SLC25A21: variants seen among roughly 807,000 people sequenced by gnomAD.
SLC25A21 encodes mitochondrial 2-oxodicarboxylate carrier.
A neutral mutation model predicts 43.8 loss-of-function variants in SLC25A21; 47 were observed. That is an observed-to-expected ratio of 1.07 (90% CI 0.85 to 1.37). The LOEUF is 1.37. SLC25A21 is among the 40% of genes most tolerant of loss of function. SLC25A21 has a pLI of 0.00. For synonymous variants in SLC25A21, 131 were observed against 121.3 expected, an observed-to-expected ratio of 1.08 and a Z score of -0.52; for missense variants, 352 against 350.2, an observed-to-expected ratio of 1.00 and a Z score of -0.04.
At chr14:37,147,923 C>T (rs1203820139) in intron 1 of SLC25A21, among the ~76,000 whole-genome samples, 1 of 143,456 alleles carries the variant, frequency 7.0e-6, no homozygotes, top group Non-Finnish European at 1.5e-5. Flanking sequence ...TTCACTGCAA[C>T]CTCCGCCTCC....
chr14:37,049,516 G>A (rs571232903), intron 1 of SLC25A21, among the ~76,000 whole-genome samples: 16 of 152,284 alleles, frequency 1.1e-4, no homozygotes, highest in South Asian at 2.1e-4. Flanking sequence ...AGGCTGCAGT[G>A]AGCTGTGATC....
chr14:37,128,577 T>TGTGTGTGTGTGTGTGTGC (rs1024661078), intron 1 of SLC25A21, among the ~76,000 whole-genome samples: 1 of 149,166 alleles, frequency 6.7e-6, no homozygotes, highest in African/African-American at 2.5e-5. Flanking sequence ...TGTGTGTGTG[T>TGTGTGTGTGTGTGTGTGC]GCATTTTGCT....
chr14:36,996,530 A>G (rs1318834840), intron 1 of SLC25A21, among the ~76,000 whole-genome samples: 1 of 152,202 alleles, frequency 6.6e-6, no homozygotes, highest in Non-Finnish European at 1.5e-5. Context: ...GTGAGCAGAA[A>G]AGTAAGCTGT....
At chr14:36,810,335 A>C (rs1203547103) in intron 3 of SLC25A21, among the ~76,000 whole-genome samples, 2 of 152,302 alleles carry the variant, frequency 1.3e-5, no homozygotes, top group East Asian at 3.9e-4. Context: ...CATGAATTGA[A>C]GATCTTGGCT....
At chr14:36,988,235 A>C (rs1960188537) in intron 1 of SLC25A21, among the ~76,000 whole-genome samples, 1 of 152,172 alleles carries the variant, frequency 6.6e-6, no homozygotes, top group South Asian at 2.1e-4. Flanking sequence ...ATTAATGCCT[A>C]TCTTGCTGCA....
At chr14:36,861,941 T>C (rs1043259721) in intron 2 of SLC25A21, among the ~76,000 whole-genome samples, 14 of 152,060 alleles carry the variant, frequency 9.2e-5, no homozygotes, top group African/African-American at 3.4e-4. Context: ...CATAAAAAAG[T>C]GCACGAAGGA....
In SLC25A21 at chr14:36,679,551, A is replaced by G; in HGVS notation, c.*1107T>C. 1 of 985,358 alleles carries G rather than the reference A, an allele frequency of 1.0e-6. No individual in the cohort carries two copies. Among genetic ancestry groups the G allele is most frequent in the Non-Finnish European group, 1.2e-6 (1 of 829,882 alleles). The allele number at this position is 985,358 out of a possible 1,614,324, so 61.0% of individuals were successfully genotyped here. A position where few individuals can be genotyped will look rare whatever the true frequency, so the allele number is the denominator to read the frequency against. ...GTTTGGTTACATCAAGACCAAGGAG[A>G]TATTTTTGTTGATACATGTTAGTAT... On this transcript the variant is annotated 3_prime_UTR_variant, in exon 10 of 10. Transcript: ENST00000331299.
chr14:37,041,839 T>C lies in SLC25A21; in HGVS notation c.70+130442A>G, dbSNP rs147011979. On this transcript the variant is annotated intron_variant, in intron 1 of 9. Coordinates refer to ENST00000331299, the MANE Select transcript of SLC25A21 (RefSeq NM_030631.4). The stretch of plus-strand genomic sequence containing the variant: ...TGATTAGGAACTCCAGTTCTCTCAA[T>C]AGCACTTCCACAAAGACTAGGAAAG... 3.6e-4 allele frequency among the ~76,000 whole-genome samples: 55 copies of C among 152,332 alleles called. No homozygotes were observed. The East Asian group carries it at 7.1e-3, about 20-fold the overall frequency.
chr14:37,102,682 C>T (rs1157474720), intron 1 of SLC25A21, among the ~76,000 whole-genome samples: 1 of 151,974 alleles, frequency 6.6e-6, no homozygotes, highest in East Asian at 1.9e-4. Context: ...AGTGTGCTCT[C>T]AGAAAGTAGT....
intron 1 of SLC25A21, among the ~76,000 whole-genome samples, chr14:36,993,140 G>C (rs1011860611): frequency 3.9e-5 from 6 of 152,104 alleles, no homozygotes; most frequent in African/African-American, 1.4e-4. Context: ...CAGTTCACCA[G>C]AATATATCTA....
At chr14:36,981,990 C>G (rs570387220) in intron 1 of SLC25A21, among the ~76,000 whole-genome samples, 1 of 152,150 alleles carries the variant, frequency 6.6e-6, no homozygotes, top group Admixed American at 6.6e-5. Context: ...GCACACAACA[C>G]GCTTAAGTTT....
rs989233160 is a variant in SLC25A21 at position 36,678,125 on chromosome 14, T to C, written c.*2533A>G. On this transcript the variant is annotated 3_prime_UTR_variant, in exon 10 of 10. Coordinates refer to ENST00000331299, the MANE Select transcript of SLC25A21 (RefSeq NM_030631.4). Reference sequence around the variant, plus strand: ...TGAAGATGGATTCCCTAGGTGATTTTAATTTCTTCCGGTCTGTGCTGTGCA... The same window carrying C: ...TGAAGATGGATTCCCTAGGTGATTTCAATTTCTTCCGGTCTGTGCTGTGCA... 4.9e-5 allele frequency: 11 copies of C among 224,384 alleles called. No individual in the cohort carries two copies. Among genetic ancestry groups the C allele is most frequent in the Non-Finnish European group, 8.7e-5 (10 of 114,520 alleles). The allele number at this position is 224,384 out of a possible 1,614,324, so 13.9% of individuals were successfully genotyped here. A position where few individuals can be genotyped will look rare whatever the true frequency, so the allele number is the denominator to read the frequency against.
At chr14:36,757,052 A>G (rs1618934) in intron 3 of SLC25A21, among the ~76,000 whole-genome samples, 139,562 of 149,210 alleles carry the variant, frequency 0.94, 65,360 homozygotes, top group East Asian at 1. Context: ...CCAAGGGTTC[A>G]AGACCAGCCT....
At chr14:36,892,333 G>T (rs554689634) in intron 1 of SLC25A21, among the ~76,000 whole-genome samples, 70 of 152,114 alleles carry the variant, frequency 4.6e-4, no homozygotes, top group Non-Finnish European at 8.4e-4. Context: ...TTCTGAGAGA[G>T]ATATATTTAA....
chr14:36,869,415 T>TGGAAA (rs202129633), intron 2 of SLC25A21, among the ~76,000 whole-genome samples: 66,387 of 151,372 alleles, frequency 0.44, 15,841 homozygotes, highest in Non-Finnish European at 0.52. Flanking sequence ...TTGCAAGATT[T>TGGAAA]CGGATGGAGG....
At chr14:37,163,012 A>T (rs1468175724) in intron 1 of SLC25A21, among the ~76,000 whole-genome samples, 2 of 152,136 alleles carry the variant, frequency 1.3e-5, no homozygotes, top group African/African-American at 4.8e-5. Context: ...GAAATTGGAA[A>T]TCATCATTCT....
chr14:37,001,393 T>A (rs1960486245), intron 1 of SLC25A21, among the ~76,000 whole-genome samples: 1 of 152,130 alleles, frequency 6.6e-6, no homozygotes, highest in African/African-American at 2.4e-5. Flanking sequence ...AGAAGTTAAA[T>A]AGTTTGCTCA....
At chr14:36,773,387 C>T (rs1007242025) in intron 3 of SLC25A21, among the ~76,000 whole-genome samples, 2 of 152,086 alleles carry the variant, frequency 1.3e-5, no homozygotes, top group Non-Finnish European at 2.9e-5. Flanking sequence ...ACTGATAAGC[C>T]ACAACTAGAA....
rs139805987 is a variant in SLC25A21, at chr14:36,958,668, T to G, written c.71-83664A>C. On this transcript the variant is annotated intron_variant, in intron 1 of 9. Transcript: ENST00000331299. ...ATACATGTGTGTAGAGATGTACACA[T>G]AAGCACACGTGCACACACACACACA... 1.0e-4 allele frequency among the ~76,000 whole-genome samples: 14 copies of G among 136,450 alleles called. No homozygotes were observed. In the East Asian group the frequency reaches 2.9e-3, roughly 28 times the overall value. The allele number at this position is 136,450 out of a possible 152,430, so 89.5% of individuals were successfully genotyped here.
Sources: allele counts gnomAD v4.1 joint callset (sites outside exome capture counted in the v4.1 genomes callset), GRCh38; gene constraint gnomAD v4.1.1; transcripts MANE v1.5; gene names NCBI Gene and HGNC (gene_info 2026-07-23, HGNC 2026-07-21).